The following CCDC175 variants were observed in gnomAD, a reference collection of about 807,000 sequenced individuals.
CCDC175 encodes the protein coiled-coil domain containing 175.
CCDC175 carries 100 observed loss-of-function variants against 114.6 expected under a neutral mutation model. The observed-to-expected ratio is 0.87, with a 90% confidence interval of 0.74 to 1.03. The LOEUF is 1.03. Ranked by LOEUF, CCDC175 falls within the 50% of genes least tolerant of loss-of-function variation. CCDC175 has a pLI of 0.00. For missense variants in CCDC175, 880 were observed against 917.8 expected, an observed-to-expected ratio of 0.96 and a Z score of 0.53; for synonymous variants, 306 against 308.7, an observed-to-expected ratio of 0.99 and a Z score of 0.09.
Position 59,543,397 on chromosome 14 carries a change from T to C in CCDC175, c.1230A>G (p.Arg410=). The change falls in exon 10 of 20, where the codon AGA becomes AGG. Residue 410 remains arginine (R), a synonymous_variant. Transcript: ENST00000537690. The part of the protein sequence containing the change: ...SQKEYFLSQK[R]VDIKNMEEGL... ...CTTCTTCCATATTTTTGATGTCTAC[T>C]CTCTTTTGTGACAGAAAGTATTCTT... 2 of 1,485,300 alleles carry C rather than the reference T, an allele frequency of 1.3e-6. No homozygotes were observed. Among genetic ancestry groups the C allele is most frequent in the South Asian group, 2.6e-5 (2 of 76,186 alleles). The allele number at this position is 1,485,300 out of a possible 1,614,324, so 92.0% of individuals were successfully genotyped here.
At chr14:59,575,144 AT>A in intron 1 of CCDC175, 116 bp from the exon 2 acceptor site, 1 of 569,344 alleles carries the variant, frequency 1.8e-6, no homozygotes, top group Non-Finnish European at 3.1e-6. Context: ...CAGTCTCTGA[AT>A]TTTTATTGTA....
intron 17 of CCDC175, among the ~76,000 whole-genome samples, chr14:59,517,671 G>A (rs968776933): frequency 2.6e-4 from 39 of 152,186 alleles, no homozygotes; most frequent in African/African-American, 9.2e-4. Flanking sequence ...AAATAAAAGA[G>A]GATACAAACA....
At chr14:59,523,815 C>T (rs374203811) in intron 16 of CCDC175, among the ~76,000 whole-genome samples, 9 of 152,146 alleles carry the variant, frequency 5.9e-5, no homozygotes, top group African/African-American at 2.2e-4. Context: ...CGGTGAAACC[C>T]CGTCTCTACT....
At chr14:59,565,370 G>T in intron 4 of CCDC175, 95 bp from the exon 5 acceptor site, 1 of 962,482 alleles carries the variant, frequency 1.0e-6, no homozygotes, top group Non-Finnish European at 1.5e-6. Flanking sequence ...GAGGAAAAGT[G>T]TAAGGAATAC....
Position 59,574,929 on chromosome 14 carries a change from A to C in CCDC175, c.243+14T>G. ...GGAAGATTGAAGAAATGGTTCTTAT[A>C]GATAATACAATACCAATTTCTTAAC... On this transcript the variant is annotated intron_variant, in intron 2 of 19. Transcript: ENST00000537690. 1 of 1,313,094 alleles carries C rather than the reference A, an allele frequency of 7.6e-7. No individual in the cohort carries two copies. The highest frequency in any genetic ancestry group is 1.5e-5 in the African/African-American group (1 of 67,586). 81.3% of individuals were successfully genotyped at this position (1,313,094 alleles called of 1,614,324 possible). A position where few individuals can be genotyped will look rare whatever the true frequency, so the allele number is the denominator to read the frequency against.
At position 59,507,964 on chromosome 14, in the gene CCDC175, C is replaced by T. The variant is rs1892523052; in HGVS notation, c.2306-2649G>A. Among the ~76,000 whole-genome samples the T allele has an allele frequency of 2.0e-5, 3 of 152,160 alleles. No individual in the cohort carries two copies. The South Asian group carries it at 6.2e-4, about 31-fold the overall frequency. ...AACGCAGGATGTGAGCAAACTCACA[C>T]TGCCTTGCCACCAAAAGGTTTGCTG... is the stretch of plus-strand genomic sequence containing the variant. On this transcript the variant is annotated intron_variant, in intron 19 of 19. Transcript: ENST00000537690.
intron 18 of CCDC175, 69 bp from the exon 19 acceptor site, chr14:59,510,877 T>A: frequency 7.3e-7 from 1 of 1,375,978 alleles, no homozygotes; most frequent in Non-Finnish European, 9.7e-7. Flanking sequence ...ACATTCTAAG[T>A]GGATCATGTC....
chr14:59,525,036 T>C (rs1339995969), intron 16 of CCDC175, among the ~76,000 whole-genome samples: 1 of 152,192 alleles, frequency 6.6e-6, no homozygotes, highest in East Asian at 1.9e-4. Flanking sequence ...TTAGTGGGGC[T>C]GGTTAGTGAC....
intron 17 of CCDC175, among the ~76,000 whole-genome samples, chr14:59,516,766 C>G (rs566979186): frequency 3.3e-5 from 5 of 152,184 alleles, no homozygotes; most frequent in Non-Finnish European, 7.3e-5. Context: ...ACCATTCCTT[C>G]TGAAACTATT....
chr14:59,565,392 C>T, intron 4 of CCDC175, 117 bp from the exon 5 acceptor site: 2 of 852,822 alleles, frequency 2.3e-6, no homozygotes, highest in Non-Finnish European at 3.5e-6. Context: ...TATTTTATGA[C>T]TGTGTTTATG....
intron 14 of CCDC175, among the ~76,000 whole-genome samples, chr14:59,530,430 A>G (rs1893999079): frequency 7.1e-6 from 1 of 140,504 alleles, no homozygotes; most frequent in Non-Finnish European, 1.6e-5. Flanking sequence ...AAGAAAAGGA[A>G]AGGAAAGGAA....
chr14:59,538,223 G>T, intron 12 of CCDC175, 69 bp from the exon 13 acceptor site: 1 of 1,302,092 alleles, frequency 7.7e-7, no homozygotes, highest in East Asian at 2.8e-5. Flanking sequence ...CGAATAGCCA[G>T]GAAATTAATA....
intron 13 of CCDC175, among the ~76,000 whole-genome samples, chr14:59,535,168 TATA>T (rs1225923024): frequency 3.9e-5 from 6 of 152,286 alleles, no homozygotes; most frequent in African/African-American, 1.4e-4. Context: ...GTTATTGCTA[TATA>T]ATAATGGTGC....
At chr14:59,562,822 C>T (rs1288324553) in intron 6 of CCDC175, among the ~76,000 whole-genome samples, 1 of 152,100 alleles carries the variant, frequency 6.6e-6, no homozygotes, top group East Asian at 1.9e-4. Flanking sequence ...TTTCTATTTT[C>T]CTATAGGCTT....
chr14:59,524,489 A>T (rs1196087127), intron 16 of CCDC175, among the ~76,000 whole-genome samples: 1 of 152,224 alleles, frequency 6.6e-6, no homozygotes, highest in Non-Finnish European at 1.5e-5. Context: ...AACATAGAAT[A>T]GGTGCTTCAA....
intron 19 of CCDC175, among the ~76,000 whole-genome samples, chr14:59,509,770 A>G (rs1239682726): frequency 6.6e-6 from 1 of 152,160 alleles, no homozygotes; most frequent in Non-Finnish European, 1.5e-5. Flanking sequence ...TCAGCCTCCC[A>G]AAGTGCTGGG....
At chr14:59,537,608 C>G (rs1008686116) in intron 13 of CCDC175, among the ~76,000 whole-genome samples, 2 of 152,092 alleles carry the variant, frequency 1.3e-5, no homozygotes, top group African/African-American at 4.8e-5. Flanking sequence ...CTCCACCTCC[C>G]CCAGCATCCA....
chr14:59,568,575 G>A (rs1281713762), intron 3 of CCDC175, among the ~76,000 whole-genome samples, 195 bp from the exon 4 acceptor site: 1 of 152,150 alleles, frequency 6.6e-6, no homozygotes. Flanking sequence ...CTGGTAACCA[G>A]CTTTCTGTGG....
Position 59,563,752 on chromosome 14 carries a change from A to C in CCDC175, c.828T>G (p.Val276=). The C allele has an allele frequency of 4.9e-6, 7 of 1,422,890 alleles. No individual in the cohort carries two copies. The highest frequency in any genetic ancestry group is 6.4e-6 in the Non-Finnish European group (7 of 1,089,510). 88.1% of individuals were successfully genotyped at this position (1,422,890 alleles called of 1,614,324 possible). A position where few individuals can be genotyped will look rare whatever the true frequency, so the allele number is the denominator to read the frequency against. The stretch of plus-strand genomic sequence containing the variant: ...TCTTTCTTACCGCTGCGGAAACAGT[A>C]ACTGTTTCTTTTATTTTTGACATTT... ...QTKMSKIKET[V]TVSAAVLSDH... The change falls in exon 6 of 20, where the codon GTT becomes GTG. Residue 276 remains valine, a synonymous_variant. Coordinates refer to ENST00000537690, the MANE Select transcript of CCDC175 (RefSeq NM_001164399.2).
Sources: gnomAD v4.1 joint callset for allele counts (sites outside exome capture counted in the v4.1 genomes callset) on GRCh38, gnomAD v4.1.1 for gene constraint, MANE v1.5 for transcripts, NCBI Gene and HGNC (gene_info 2026-07-23, HGNC 2026-07-21) for gene names.